The following RB1 variants were observed in gnomAD, a reference collection of about 807,000 sequenced individuals.
RB1 encodes RB transcriptional corepressor 1.
A neutral mutation model predicts 135.4 loss-of-function variants in RB1; 18 were observed. That is an observed-to-expected ratio of 0.13 (90% CI 0.09 to 0.20). The LOEUF is 0.20. Among genes scored for constraint, RB1 ranks in the 10% least tolerant of loss-of-function variants. The pLI, the probability that RB1 is intolerant of heterozygous loss-of-function variation, is 1.00. For missense variants in RB1, 868 were observed against 1,110.0 expected (o/e 0.78, Z 3.10); for synonymous variants, 365 against 373.2 (o/e 0.98, Z 0.25).
rs4151597 is a variant in RB1, at chr13:48,460,420, G to A, written c.2106+587G>A. Among the ~76,000 whole-genome samples, 875 of 152,176 alleles carry A rather than the reference G, an allele frequency of 5.7e-3. 3 individuals are homozygous for A. Among genetic ancestry groups the A allele is most frequent in the African/African-American group, 0.02 (843 of 41,520 alleles). ...CTTTAACACTCAAGAGTATATTTTA[G>A]TAACTGCTTATTTAATGACACAAAA... is the stretch of plus-strand genomic sequence containing the variant. On this transcript the variant is annotated intron_variant, in intron 20 of 26. Transcript: ENST00000267163.
chr13:48,319,831 T>G lies in RB1; in HGVS notation c.264+12425T>G. On this transcript the variant is annotated intron_variant, in intron 2 of 26. Coordinates refer to ENST00000267163, the MANE Select transcript of RB1 (RefSeq NM_000321.3). This position sits in a 1 kb window ranked among gnomAD's most constrained non-coding sequence, Gnocchi z 5.0. The stretch of plus-strand genomic sequence containing the variant: ...CGCCTTAATGCTCTGCTCGAAGGAG[T>G]CGTTGCTGCTCGCTCTGACCGGGAA... The G allele has an allele frequency of 3.2e-6, 1 of 315,692 alleles. No homozygotes were observed. Among genetic ancestry groups the G allele is most frequent in the Non-Finnish European group, 6.3e-6 (1 of 158,852 alleles). The allele number at this position is 315,692 out of a possible 1,614,324, so 19.6% of individuals were successfully genotyped here.
chr13:48,431,733 G>A (rs144659214), intron 17 of RB1, among the ~76,000 whole-genome samples: 182 of 152,272 alleles, frequency 1.2e-3, no homozygotes, highest in African/African-American at 4.3e-3. Flanking sequence ...AAGCCCAGCC[G>A]TTTGTTGTTG....
In RB1 at chr13:48,303,872, G is replaced by C; in HGVS notation, c.-41G>C. Reference sequence around the variant, plus strand: ...GTGCGCGCGCGTCGTCCTCCCCGGCGCTCCTCCACAGCTCGCTGGCTCCCG... The same window carrying C: ...GTGCGCGCGCGTCGTCCTCCCCGGCCCTCCTCCACAGCTCGCTGGCTCCCG... On this transcript the variant is annotated 5_prime_UTR_variant, in exon 1 of 27. Transcript: ENST00000267163. 1 of 1,508,654 alleles carries C rather than the reference G, an allele frequency of 6.6e-7. No homozygotes were observed. Among genetic ancestry groups the C allele is most frequent in the Non-Finnish European group, 8.8e-7 (1 of 1,136,082 alleles). 93.5% of individuals were successfully genotyped at this position (1,508,654 alleles called of 1,614,324 possible). A position where few individuals can be genotyped will look rare whatever the true frequency, so the allele number is the denominator to read the frequency against.
chr13:48,355,391 T>C (rs1409754522), intron 6 of RB1, among the ~76,000 whole-genome samples: 1 of 152,070 alleles, frequency 6.6e-6, no homozygotes, highest in Admixed American at 6.6e-5. Flanking sequence ...GCAGTTAAAA[T>C]GGCTGATATT....
At chr13:48,315,881 C>T (rs865807623) in intron 2 of RB1, among the ~76,000 whole-genome samples, 4 of 152,182 alleles carry the variant, frequency 2.6e-5, no homozygotes, top group Non-Finnish European at 4.4e-5. Context: ...ATTGCTGGAT[C>T]GAATGGTTGA....
Position 48,379,684 on chromosome 13 carries a change from G to A in RB1, c.1389+34G>A, listed in dbSNP as rs761706608. On this transcript the variant is annotated intron_variant, in intron 14 of 26. Transcript: ENST00000267163. The stretch of plus-strand genomic sequence containing the variant: ...AAAACAATATAAAAAAATTTCAGCC[G>A]GGCGCGGTGGCTCACGCCTGCAATC... The A allele has an allele frequency of 3.2e-5, 51 of 1,589,510 alleles. No homozygotes were observed. The highest frequency in any genetic ancestry group is 2.2e-4 in the Middle Eastern group (1 of 4,518).
chr13:48,330,410 G>C (rs989501443), intron 2 of RB1, among the ~76,000 whole-genome samples: 2 of 151,826 alleles, frequency 1.3e-5, no homozygotes, highest in African/African-American at 4.8e-5. Flanking sequence ...AAACAAAATT[G>C]ATAAACTTTT....
At chr13:48,319,000 C>A in intron 2 of RB1, 1 of 727,162 alleles carries the variant, frequency 1.4e-6, no homozygotes, top group Non-Finnish European at 2.5e-6. Context: ...ACATGGGGGC[C>A]GGCAGGGTAG....
intron 12 of RB1, among the ~76,000 whole-genome samples, chr13:48,374,021 G>GTAGT (rs1166150985): frequency 1.3e-5 from 2 of 151,958 alleles, no homozygotes; most frequent in Non-Finnish European, 2.9e-5. Flanking sequence ...TTGTTCCTTT[G>GTAGT]TAGTTAATCT....
intron 17 of RB1, among the ~76,000 whole-genome samples, chr13:48,384,355 C>A (rs989924244): frequency 6.6e-6 from 1 of 152,008 alleles, no homozygotes; most frequent in Non-Finnish European, 1.5e-5. Flanking sequence ...TTATGCCACA[C>A]AAACAGGATA....
chr13:48,367,827 C>G (rs954983840), intron 10 of RB1, among the ~76,000 whole-genome samples: 1 of 152,076 alleles, frequency 6.6e-6, no homozygotes, highest in African/African-American at 2.4e-5. Flanking sequence ...TACCTTTTTG[C>G]AGTTAACTGA....
chr13:48,329,715 A>G (rs116260414), intron 2 of RB1, among the ~76,000 whole-genome samples: 81 of 152,176 alleles, frequency 5.3e-4, no homozygotes, highest in African/African-American at 1.9e-3. Flanking sequence ...TTGTCTTGGT[A>G]CCTCCTCAGG....
chr13:48,338,384 A>C (rs1421619158), intron 2 of RB1, among the ~76,000 whole-genome samples: 1 of 151,134 alleles, frequency 6.6e-6, no homozygotes, highest in Non-Finnish European at 1.5e-5. Context: ...GTTTCTTTTT[A>C]CTCTTTTTTC....
In RB1 at chr13:48,438,899, C is replaced by T. The variant is rs4151564; in HGVS notation, c.1696-14094C>T. 5.6e-3 allele frequency among the ~76,000 whole-genome samples: 847 copies of T among 152,144 alleles called. 5 individuals are homozygous for T. Among genetic ancestry groups the T allele is most frequent in the Middle Eastern group, 0.01 (3 of 294 alleles). On this transcript the variant is annotated intron_variant, in intron 17 of 26. Transcript: ENST00000267163. ...TATATAGGTTATTTTATTTTCACAA[C>T]AACTCTATGTAGTGGGTACTACTAT...
intron 18 of RB1, among the ~76,000 whole-genome samples, chr13:48,455,102 A>G (rs998583064): frequency 6.6e-6 from 1 of 152,182 alleles, no homozygotes; most frequent in African/African-American, 2.4e-5. Context: ...AGAAATAGAA[A>G]TGGAGAGATC....
At chr13:48,313,283 T>C (rs934394215) in intron 2 of RB1, among the ~76,000 whole-genome samples, 1 of 152,002 alleles carries the variant, frequency 6.6e-6, no homozygotes, top group African/African-American at 2.4e-5. Flanking sequence ...TGCAGACTTT[T>C]CCCCCCATTC....
At chr13:48,350,904 A>G (rs753473679) in intron 6 of RB1, among the ~76,000 whole-genome samples, 14 of 152,216 alleles carry the variant, frequency 9.2e-5, no homozygotes, top group Non-Finnish European at 1.8e-4. Context: ...TGTGAAGGAC[A>G]TGATCTCATT....
At chr13:48,395,330 G>A (rs556902197) in intron 17 of RB1, among the ~76,000 whole-genome samples, 2 of 152,250 alleles carry the variant, frequency 1.3e-5, no homozygotes, top group African/African-American at 2.4e-5. Flanking sequence ...AAAAACCAGA[G>A]CGCCTTTTCT....
At chr13:48,446,205 G>A (rs1167434807) in intron 17 of RB1, among the ~76,000 whole-genome samples, 1 of 152,148 alleles carries the variant, frequency 6.6e-6, no homozygotes, top group Non-Finnish European at 1.5e-5. Flanking sequence ...TGATCCACCT[G>A]CCTCAGCCTT....
Sources: gnomAD v4.1 joint callset for allele counts (sites outside exome capture counted in the v4.1 genomes callset) on GRCh38, gnomAD v4.1.1 for gene constraint, Gnocchi (gnomAD v3.1) non-coding constraint, MANE v1.5 for transcripts, NCBI Gene and HGNC (gene_info 2026-07-23, HGNC 2026-07-21) for gene names.